The following SPAG9 variants were observed in gnomAD, a reference collection of about 807,000 sequenced individuals.
SPAG9 encodes the protein C-Jun-amino-terminal kinase-interacting protein 4.
In SPAG9, 35 loss-of-function variants were observed where a neutral mutation model predicts 166.5. The observed-to-expected ratio is 0.21, with a 90% CI of 0.16 to 0.28. SPAG9 has a LOEUF of 0.28. Among genes scored for constraint, SPAG9 ranks in the 10% least tolerant of loss-of-function variants. The probability of loss-of-function intolerance (pLI) is 1.00; values close to 1 mark genes in which losing one functional copy is unlikely to be tolerated. For missense variants in SPAG9, 1,235 were observed against 1,603.3 expected, an observed-to-expected ratio of 0.77 and a Z score of 3.92; for synonymous variants, 534 against 565.5, an observed-to-expected ratio of 0.94 and a Z score of 0.79.
At chr17:51,057,737 G>C (rs1395852784) in intron 2 of SPAG9, among the ~76,000 whole-genome samples, 1 of 152,102 alleles carries the variant, frequency 6.6e-6, no homozygotes. Flanking sequence ...TTGCACCAGA[G>C]AGCAAACACA....
At chr17:51,061,734 T>C (rs1300213228) in intron 2 of SPAG9, among the ~76,000 whole-genome samples, 1 of 151,942 alleles carries the variant, frequency 6.6e-6, no homozygotes, top group Non-Finnish European at 1.5e-5. Flanking sequence ...CACATAAGCT[T>C]AGGTTCATCC....
In SPAG9 at chr17:51,021,224, T is replaced by G. The variant is rs778438985; in HGVS notation, c.925A>C (p.Asn309His). ...EGFVKVTDAP[N>H]KSEISKHIEV... ...ATGTGTTTGCTTATCTCTGATTTAT[T>G]TGGCGCATCTGTAACCTTCACAAAT... The change falls in exon 7 of 30, where the codon AAT (asparagine) becomes CAT (histidine). Residue 309 changes from asparagine (N) to histidine (H), a missense_variant. By Grantham distance (68) the Asn-to-His change is moderately conservative. This residue lies in a region of SPAG9 where 288 missense variants were observed against 323.7 expected (regional missense o/e 0.89). Coordinates refer to ENST00000262013, the MANE Select transcript of SPAG9 (RefSeq NM_001130528.3). 3.7e-6 allele frequency: 6 copies of G among 1,614,148 alleles called. No homozygotes were observed. The South Asian group carries it at 5.5e-5, about 15-fold the overall frequency.
At chr17:51,015,357 G>A (rs1484677246) in intron 8 of SPAG9, among the ~76,000 whole-genome samples, 5 of 152,012 alleles carry the variant, frequency 3.3e-5, no homozygotes, top group Admixed American at 6.6e-5. Flanking sequence ...TACAAAAGGC[G>A]GTACAGGACC....
chr17:51,072,014 A>G (rs1598126021), intron 2 of SPAG9, among the ~76,000 whole-genome samples: 1 of 152,216 alleles, frequency 6.6e-6, no homozygotes, highest in Non-Finnish European at 1.5e-5. Context: ...CAGTGCCCCT[A>G]AATAAATGTT....
chr17:51,100,994 C>A (rs1220130177), intron 1 of SPAG9, among the ~76,000 whole-genome samples: 1 of 151,808 alleles, frequency 6.6e-6, no homozygotes, highest in Non-Finnish European at 1.5e-5. Flanking sequence ...CAAATTACAT[C>A]AAACAAGTTC....
At chr17:51,026,320 G>GAAAAAA (rs55851511) in intron 6 of SPAG9, among the ~76,000 whole-genome samples, 52 of 89,372 alleles carry the variant, frequency 5.8e-4, no homozygotes, top group African/African-American at 1.4e-3. Flanking sequence ...GGTGAAAAGA[G>GAAAAAA]AAAAAAAAAA....
chr17:51,115,833 A>AAAAAGAAAAGAAAAG (rs372714782), intron 1 of SPAG9, among the ~76,000 whole-genome samples: 1 of 150,944 alleles, frequency 6.6e-6, no homozygotes, highest in African/African-American at 2.4e-5. Flanking sequence ...CATCTCAAAA[A>AAAAAGAAAAGAAAAG]AAAAGAAAAG....
At chr17:51,027,590 T>C (rs1039789767) in intron 6 of SPAG9, among the ~76,000 whole-genome samples, 6 of 152,298 alleles carry the variant, frequency 3.9e-5, no homozygotes, top group South Asian at 2.1e-4. Flanking sequence ...GGTGGTCCCA[T>C]AAGATTAAAA....
intron 9 of SPAG9, among the ~76,000 whole-genome samples, chr17:51,008,809 G>T (rs1225177830): frequency 2.0e-5 from 3 of 152,076 alleles, no homozygotes; most frequent in Non-Finnish European, 4.4e-5. Flanking sequence ...ACTCCAAAAT[G>T]ATCTTCGGCA....
chr17:50,984,386 C>T (rs551664562), intron 24 of SPAG9, among the ~76,000 whole-genome samples: 2 of 152,184 alleles, frequency 1.3e-5, no homozygotes, highest in South Asian at 4.2e-4. Context: ...GCCTCCCTAT[C>T]ACATTATTTA....
intron 1 of SPAG9, among the ~76,000 whole-genome samples, chr17:51,104,687 A>C (rs1299189135): frequency 6.6e-6 from 1 of 151,938 alleles, no homozygotes; most frequent in African/African-American, 2.4e-5. Context: ...TAATCCCAGC[A>C]CTTTGGAAGG....
intron 8 of SPAG9, 185 bp from the exon 9 acceptor site, chr17:51,014,538 T>G: frequency 2.1e-6 from 1 of 485,312 alleles, no homozygotes; most frequent in Non-Finnish European, 3.6e-6. Context: ...TCCATGGAAA[T>G]AGCTGGTGAA....
At chr17:51,072,740 C>G (rs1317818829) in intron 2 of SPAG9, among the ~76,000 whole-genome samples, 1 of 152,028 alleles carries the variant, frequency 6.6e-6, no homozygotes, top group African/African-American at 2.4e-5. Flanking sequence ...CATCTGTTTT[C>G]TATTATACAA....
At chr17:50,975,639 A>T (rs1208024590) in intron 27 of SPAG9, among the ~76,000 whole-genome samples, 6 of 152,198 alleles carry the variant, frequency 3.9e-5, no homozygotes, top group African/African-American at 1.4e-4. Flanking sequence ...AGTCTGAAAG[A>T]AAGTTCAGCT....
At chr17:51,059,675 C>A (rs1048563694) in intron 2 of SPAG9, among the ~76,000 whole-genome samples, 6 of 151,832 alleles carry the variant, frequency 4.0e-5, no homozygotes, top group Non-Finnish European at 5.9e-5. Flanking sequence ...TCGCTTGAAC[C>A]CAGGAGGCAG....
At chr17:51,080,055 G>A (rs996774913) in intron 1 of SPAG9, among the ~76,000 whole-genome samples, 9 of 152,076 alleles carry the variant, frequency 5.9e-5, no homozygotes, top group African/African-American at 2.2e-4. Flanking sequence ...AAGAATGATG[G>A]AATAATCAAT....
At chr17:51,110,311 CTA>C (rs1166553017) in intron 1 of SPAG9, among the ~76,000 whole-genome samples, 1 of 147,048 alleles carries the variant, frequency 6.8e-6, no homozygotes, top group Admixed American at 7.0e-5. Context: ...TTCCATTTTT[CTA>C]TATGTTTGAA....
chr17:51,031,983 T>C, intron 5 of SPAG9: 2 of 585,700 alleles, frequency 3.4e-6, no homozygotes, highest in Non-Finnish European at 6.4e-6. Flanking sequence ...TGTTTAACCT[T>C]TTTTTTCTAC....
chr17:51,021,100 C>T, intron 7 of SPAG9, 58 bp downstream of exon 7: 1 of 1,416,910 alleles, frequency 7.1e-7, no homozygotes, highest in Non-Finnish European at 1.0e-6. Flanking sequence ...TTCTCATACC[C>T]ACATTATCCA....
Sources: allele counts gnomAD v4.1 joint callset (sites outside exome capture counted in the v4.1 genomes callset), GRCh38; gene constraint gnomAD v4.1.1; regional missense constraint gnomAD v4.1.1; transcripts MANE v1.5; gene names NCBI Gene and HGNC (gene_info 2026-07-23, HGNC 2026-07-21).